Variants in TRAF6 observed in about 807,000 individuals in gnomAD.
TRAF6 encodes the protein TNF receptor associated factor 6, also known as TNF receptor-associated factor 6.
A neutral mutation model predicts 48.4 loss-of-function variants in TRAF6; 10 were observed. That is an observed-to-expected ratio of 0.21 (90% CI 0.13 to 0.35). TRAF6 has a LOEUF of 0.35. TRAF6 is among the 10% of genes least tolerant of loss of function. The pLI is 1.00. For synonymous variants in TRAF6, 186 were observed against 219.6 expected (o/e 0.85, Z 1.35); for missense variants, 397 against 661.0 (o/e 0.60, Z 4.38).
In TRAF6 at chr11:36,508,635, A is replaced by C. The variant is rs572336692; in HGVS notation, c.-23+1413T>G. 5.3e-5 allele frequency among the ~76,000 whole-genome samples: 8 copies of C among 152,344 alleles called. No homozygotes were observed. The East Asian group carries it at 1.5e-3, about 29-fold the overall frequency. ...AACTTATTGAAGTAAAACCATGTAA[A>C]GAAAATATGAGAAATTATCTTTAAT... On this transcript the variant is annotated intron_variant, in intron 1 of 6. Transcript: ENST00000526995.
At position 36,489,450 on chromosome 11, in the gene TRAF6, T is replaced by A. The variant is rs1179427107; in HGVS notation, c.*388A>T. The A allele has an allele frequency of 5.2e-6, 1 of 192,724 alleles. No homozygotes were observed. The highest frequency in any genetic ancestry group is 1.3e-4 in the East Asian group (1 of 7,728). 11.9% of individuals were successfully genotyped at this position (192,724 alleles called of 1,614,324 possible). A position where few individuals can be genotyped will look rare whatever the true frequency, so the allele number is the denominator to read the frequency against. On this transcript the variant is annotated 3_prime_UTR_variant, in exon 7 of 7. Coordinates refer to ENST00000526995, the MANE Select transcript of TRAF6 (RefSeq NM_004620.4). Reference sequence around the variant, plus strand: ...ACTTTTAATATATTACATATAATACTACAAAAAGACTGAAGTTTTAAGGAA... The same window carrying A: ...ACTTTTAATATATTACATATAATACAACAAAAAGACTGAAGTTTTAAGGAA...
At chr11:36,498,685 T>G in intron 2 of TRAF6, 45 bp from the exon 3 acceptor site, 1 of 1,542,316 alleles carries the variant, frequency 6.5e-7, no homozygotes, top group Non-Finnish European at 8.7e-7. Context: ...AGACTCACAT[T>G]AGAAAATCCA....
Position 36,484,163 on chromosome 11 carries a change from T to C in TRAF6, c.*5675A>G, listed in dbSNP as rs1185363944. Among the ~76,000 whole-genome samples, 1 of 152,226 alleles carries C rather than the reference T, an allele frequency of 6.6e-6. No homozygotes were observed. The highest frequency in any genetic ancestry group is 1.5e-5 in the Non-Finnish European group (1 of 68,040). The stretch of plus-strand genomic sequence containing the variant: ...GCCATTAGGAGCAGGGCTTGTTTTA[T>C]GCGCTCCGTGCATGCTGATGGTGCA... On this transcript the variant is annotated 3_prime_UTR_variant, in exon 7 of 7. Coordinates refer to ENST00000526995, the MANE Select transcript of TRAF6 (RefSeq NM_004620.4).
Position 36,483,897 on chromosome 11 carries a change from AAATT to A in TRAF6, c.*5937_*5940del, listed in dbSNP as rs1182055741. 6.6e-6 allele frequency among the ~76,000 whole-genome samples: 1 copy of A among 152,188 alleles called. No homozygotes were observed. The highest frequency in any genetic ancestry group is 2.4e-5 in the African/African-American group (1 of 41,432). On this transcript the variant is annotated 3_prime_UTR_variant, in exon 7 of 7. Transcript: ENST00000526995. ...ATGTCAGTCTGGCATGTTTTCTTCT[AAATT>A]AATATTCAAAAAGGTGCCATTCAAG...
At chr11:36,499,565 C>T (rs1859688466) in intron 2 of TRAF6, among the ~76,000 whole-genome samples, 1 of 152,160 alleles carries the variant, frequency 6.6e-6, no homozygotes, top group South Asian at 2.1e-4. Flanking sequence ...CGCCACTGCA[C>T]TTCAGCCTGG....
rs1474569383 is a variant in TRAF6 at position 36,488,922 on chromosome 11, C to T, written c.*916G>A. On this transcript the variant is annotated 3_prime_UTR_variant, in exon 7 of 7. Transcript: ENST00000526995. ...AGCTTCTGTCACCACCAATGAGATG[C>T]CACATGCGCTGACTACTTGGGTCAC... 6.6e-6 allele frequency: 1 copy of T among 152,198 alleles called. No homozygotes were observed. Among genetic ancestry groups the T allele is most frequent in the Non-Finnish European group, 1.5e-5 (1 of 68,038 alleles). The allele number at this position is 152,198 out of a possible 1,614,324, so 9.4% of individuals were successfully genotyped here.
rs1169467088 is a variant in TRAF6, at chr11:36,488,903, T to C, written c.*935A>G. 2 of 152,240 alleles carry C rather than the reference T, an allele frequency of 1.3e-5. No individual in the cohort carries two copies. Among genetic ancestry groups the C allele is most frequent in the Non-Finnish European group, 2.9e-5 (2 of 68,030 alleles). The allele number at this position is 152,240 out of a possible 1,614,324, so 9.4% of individuals were successfully genotyped here. On this transcript the variant is annotated 3_prime_UTR_variant, in exon 7 of 7. Coordinates refer to ENST00000526995, the MANE Select transcript of TRAF6 (RefSeq NM_004620.4). ...GAAAACTTCTGGCTCACATAGCTTC[T>C]GTCACCACCAATGAGATGCCACATG...
Position 36,501,264 on chromosome 11 carries a change from T to C in TRAF6, c.252A>G (p.Pro84=), listed in dbSNP as rs1419827511. The C allele has an allele frequency of 1.2e-6, 2 of 1,612,802 alleles. No individual in the cohort carries two copies. Among genetic ancestry groups the C allele is most frequent in the Admixed American group, 3.3e-5 (2 of 59,970 alleles). ...AGGCTTTGCAGAACCTATGGCCGCA[T>C]GGCGTTTGCACTGCTTCTCGTAATG... ...LMALREAVQT[P]CGHRFCKACI... is the part of the protein sequence containing the mutation. Residue 84 remains proline, a synonymous_variant, in exon 2 of 7, where the codon CCA becomes CCG. Coordinates refer to ENST00000526995, the MANE Select transcript of TRAF6 (RefSeq NM_004620.4).
At position 36,498,213 on chromosome 11, in the gene TRAF6, T is replaced by A. The variant is rs541168980; in HGVS notation, c.447+277A>T. 2.0e-5 allele frequency among the ~76,000 whole-genome samples: 3 copies of A among 152,276 alleles called. No individual in the cohort carries two copies. In the East Asian group the frequency reaches 5.8e-4, roughly 29 times the overall value. On this transcript the variant is annotated intron_variant, in intron 3 of 6. Transcript: ENST00000526995. The stretch of plus-strand genomic sequence containing the variant: ...CCTGTATTTAAAATGCTCCTCAGGT[T>A]TACTGCAGATAAAGCTTACCAAAAG...
chr11:36,489,748 C>T lies in TRAF6; in HGVS notation c.*90G>A, dbSNP rs1278359988. 24 of 1,314,018 alleles carry T rather than the reference C, an allele frequency of 1.8e-5. No homozygotes were observed. Among genetic ancestry groups the T allele is most frequent in the African/African-American group, 3.0e-5 (2 of 67,722 alleles). The allele number at this position is 1,314,018 out of a possible 1,614,324, so 81.4% of individuals were successfully genotyped here. ...TCACTAGTAGATATTACATATTTCC[C>T]GTGGCTTGTTTGTTTGCATGTTATT... On this transcript the variant is annotated 3_prime_UTR_variant, in exon 7 of 7. Coordinates refer to ENST00000526995, the MANE Select transcript of TRAF6 (RefSeq NM_004620.4).
chr11:36,494,878 T>C, intron 5 of TRAF6, 98 bp downstream of exon 5: 1 of 819,222 alleles, frequency 1.2e-6, no homozygotes, highest in Non-Finnish European at 1.9e-6. Context: ...CTTCAATCTG[T>C]ATTTCTTTGC....
chr11:36,509,353 C>G (rs1025406393), intron 1 of TRAF6, among the ~76,000 whole-genome samples: 1 of 152,168 alleles, frequency 6.6e-6, no homozygotes. Context: ...GCTTTATCAA[C>G]CCGGCGTCTG....
At chr11:36,493,159 AAC>A (rs1473845298) in intron 5 of TRAF6, among the ~76,000 whole-genome samples, 1 of 152,200 alleles carries the variant, frequency 6.6e-6, no homozygotes, top group African/African-American at 2.4e-5. Flanking sequence ...AGGTACTTTA[AAC>A]ACATTAATAG....
intron 2 of TRAF6, among the ~76,000 whole-genome samples, chr11:36,498,994 A>C (rs1048897050): frequency 1.3e-5 from 2 of 152,232 alleles, no homozygotes; most frequent in East Asian, 3.9e-4. Context: ...GTGTTGTCAC[A>C]CCTATATAAT....
At chr11:36,508,501 C>A (rs937178493) in intron 1 of TRAF6, among the ~76,000 whole-genome samples, 1 of 151,902 alleles carries the variant, frequency 6.6e-6, no homozygotes, top group Non-Finnish European at 1.5e-5. Flanking sequence ...AAAAGTTTGT[C>A]CTCCAAGGCA....
rs1003032987 is a variant in TRAF6, at chr11:36,510,197, G to C, written c.-172C>G. Reference sequence around the variant, plus strand: ...GGACGGCAAACTCTGGATCCAGTGGGAGCCTTCGCCACCTTCGCTGGCCGC... The same window carrying C: ...GGACGGCAAACTCTGGATCCAGTGGCAGCCTTCGCCACCTTCGCTGGCCGC... On this transcript the variant is annotated 5_prime_UTR_variant, in exon 1 of 7. Transcript: ENST00000526995. The C allele has an allele frequency of 1.2e-4, 18 of 152,268 alleles. No homozygotes were observed. The highest frequency in any genetic ancestry group is 3.6e-4 in the African/African-American group (15 of 41,436). The allele number at this position is 152,268 out of a possible 1,614,324, so 9.4% of individuals were successfully genotyped here.
At chr11:36,502,111 C>A (rs1166613900) in intron 1 of TRAF6, among the ~76,000 whole-genome samples, 1 of 152,202 alleles carries the variant, frequency 6.6e-6, no homozygotes, top group African/African-American at 2.4e-5. Flanking sequence ...TCATGTGCCA[C>A]TGTTAGATGT....
rs1402915417 is a variant in TRAF6, at chr11:36,497,365, GA to G, written c.448-100del. 2.6e-6 allele frequency: 3 copies of G among 1,175,228 alleles called. No individual in the cohort carries two copies. The Admixed American group carries it at 8.7e-5, about 34-fold the overall frequency. 72.8% of individuals were successfully genotyped at this position (1,175,228 alleles called of 1,614,324 possible). The stretch of plus-strand genomic sequence containing the variant: ...TACTGTTCTCTTTCAGCAGGCTACT[GA>G]ACCTACTTTGTCTAATGCACACCAC... On this transcript the variant is annotated intron_variant, in intron 3 of 6. Coordinates refer to ENST00000526995, the MANE Select transcript of TRAF6 (RefSeq NM_004620.4).
Position 36,486,863 on chromosome 11 carries a change from C to A in TRAF6, c.*2975G>T. Among the ~76,000 whole-genome samples, 1 of 151,576 alleles carries A rather than the reference C, an allele frequency of 6.6e-6. No homozygotes were observed. The highest frequency in any genetic ancestry group is 2.1e-4 in the South Asian group (1 of 4,782). On this transcript the variant is annotated 3_prime_UTR_variant, in exon 7 of 7. Coordinates refer to ENST00000526995, the MANE Select transcript of TRAF6 (RefSeq NM_004620.4). The stretch of plus-strand genomic sequence containing the variant: ...CAGCACTTTGGGAGGCTGAGGCGGG[C>A]GGATCATCTGAGGTCAGGAGTTCCA...
Sources: allele counts gnomAD v4.1 joint callset (sites outside exome capture counted in the v4.1 genomes callset), GRCh38; gene constraint gnomAD v4.1.1; transcripts MANE v1.5; gene names NCBI Gene and HGNC (gene_info 2026-07-23, HGNC 2026-07-21).